Variants in DENND1B observed in about 807,000 individuals in gnomAD.
DENND1B encodes the protein DENN domain containing 1B.
Under a neutral mutation model 90.1 loss-of-function variants are expected in DENND1B, and 59 were observed. That is an observed-to-expected ratio of 0.65 (90% CI 0.53 to 0.81). The LOEUF (loss-of-function observed/expected upper bound fraction) is 0.81, where lower values mean the gene tolerates loss of function less well. Ranked by LOEUF, DENND1B falls within the 40% of genes least tolerant of loss-of-function variation. The pLI, the probability that DENND1B is intolerant of heterozygous loss-of-function variation, is 0.00. For synonymous variants in DENND1B, 337 were observed against 324.6 expected, an observed-to-expected ratio of 1.04 and a Z score of -0.41; for missense variants, 862 against 912.6, an observed-to-expected ratio of 0.94 and a Z score of 0.71.
At chr1:197,681,970 T>G (rs569887622) in intron 3 of DENND1B, among the ~76,000 whole-genome samples, 1 of 152,208 alleles carries the variant, frequency 6.6e-6, no homozygotes, top group African/African-American at 2.4e-5. Context: ...TGTTTTTGTT[T>G]TTGTTTTTGT....
chr1:197,571,034 T>C (rs996342774), intron 15 of DENND1B, among the ~76,000 whole-genome samples: 23 of 150,934 alleles, frequency 1.5e-4, no homozygotes, highest in African/African-American at 5.1e-4. Context: ...TATTTCTCTC[T>C]ACTCTAACCC....
chr1:197,548,792 C>T (rs1671004660), intron 16 of DENND1B, among the ~76,000 whole-genome samples: 2 of 151,920 alleles, frequency 1.3e-5, no homozygotes, highest in African/African-American at 4.8e-5. Context: ...AAGGCTAATA[C>T]CCTGAAAAAG....
chr1:197,619,707 T>A (rs746180724), intron 10 of DENND1B, among the ~76,000 whole-genome samples: 35 of 151,258 alleles, frequency 2.3e-4, no homozygotes, highest in Non-Finnish European at 4.3e-4. Flanking sequence ...GTAAATACTT[T>A]CCCTGCCTCC....
chr1:197,739,239 A>G (rs1031247404), intron 2 of DENND1B, among the ~76,000 whole-genome samples: 1 of 152,268 alleles, frequency 6.6e-6, no homozygotes, highest in African/African-American at 2.4e-5. Flanking sequence ...GGACAAAATC[A>G]GCACTGGACT....
intron 2 of DENND1B, chr1:197,734,172 A>T (rs989960659): frequency 2.2e-6 from 2 of 891,470 alleles, no homozygotes; most frequent in African/African-American, 3.6e-5. Context: ...ATTGAACAGA[A>T]GAGAAACAGT....
chr1:197,617,123 A>G (rs577951177), intron 11 of DENND1B, among the ~76,000 whole-genome samples: 3 of 151,210 alleles, frequency 2.0e-5, no homozygotes, highest in Admixed American at 6.6e-5. Context: ...TTCATGGTGG[A>G]TCAAGGCTGA....
In DENND1B at chr1:197,553,099, C is replaced by T. The variant is rs757551222; in HGVS notation, c.1163G>A (p.Arg388Gln). ...LQLFKQFIDG[R>Q]LAKLNAGRGF... ...CCTTCCTGCATTTAGTTTTGCCAGTCGACCATCGATAAACTAGAATTAAAA... is the reference window on the plus strand; with the variant it reads ...CCTTCCTGCATTTAGTTTTGCCAGTTGACCATCGATAAACTAGAATTAAAA... Residue 388 changes from arginine (R) to glutamine (Q), a missense_variant, in exon 16 of 23, where the codon CGA becomes CAA. Physicochemically the swap from Arg to Gln is conservative, Grantham distance 43. Transcript: ENST00000620048. 23 of 1,521,824 alleles carry T rather than the reference C, an allele frequency of 1.5e-5. No individual in the cohort carries two copies. The highest frequency in any genetic ancestry group is 1.7e-4 in the Middle Eastern group (1 of 5,828). The allele number at this position is 1,521,824 out of a possible 1,614,324, so 94.3% of individuals were successfully genotyped here. A position where few individuals can be genotyped will look rare whatever the true frequency, so the allele number is the denominator to read the frequency against.
chr1:197,726,822 T>G (rs769370855), intron 2 of DENND1B, among the ~76,000 whole-genome samples: 1 of 152,232 alleles, frequency 6.6e-6, no homozygotes, highest in African/African-American at 2.4e-5. Context: ...TATACCTTCA[T>G]GTTAGAGAAA....
At chr1:197,608,387 C>T (rs573165464) in intron 12 of DENND1B, among the ~76,000 whole-genome samples, 1 of 150,660 alleles carries the variant, frequency 6.6e-6, no homozygotes, top group African/African-American at 2.4e-5. Context: ...AAGATATTAG[C>T]AGCGAATCAC....
At chr1:197,649,772 T>C (rs1377599284) in intron 7 of DENND1B, among the ~76,000 whole-genome samples, 2 of 152,006 alleles carry the variant, frequency 1.3e-5, no homozygotes, top group Non-Finnish European at 2.9e-5. Flanking sequence ...ACTTCTAGAA[T>C]AAAACACTGG....
chr1:197,763,284 A>C (rs372132659), intron 2 of DENND1B, among the ~76,000 whole-genome samples: 1 of 152,050 alleles, frequency 6.6e-6, no homozygotes, highest in African/African-American at 2.4e-5. Flanking sequence ...TTTTATATAT[A>C]TTTTTTTATT....
intron 6 of DENND1B, among the ~76,000 whole-genome samples, chr1:197,657,778 G>A (rs935597926): frequency 1.3e-5 from 2 of 152,016 alleles, no homozygotes; most frequent in African/African-American, 4.8e-5. Flanking sequence ...TTGAACCCAA[G>A]GGCTGGAACA....
At chr1:197,684,198 A>G (rs1284556943) in intron 3 of DENND1B, among the ~76,000 whole-genome samples, 1 of 152,242 alleles carries the variant, frequency 6.6e-6, no homozygotes, top group East Asian at 1.9e-4. Flanking sequence ...CTAAGCACTT[A>G]GCATACATTA....
At position 197,517,700 on chromosome 1, in the gene DENND1B, T is replaced by A. The variant is rs547805227; in HGVS notation, c.1516-4747A>T. Among the ~76,000 whole-genome samples, 6 of 152,036 alleles carry A rather than the reference T, an allele frequency of 3.9e-5. No individual in the cohort carries two copies. In the South Asian group the frequency reaches 1.2e-3, roughly 31 times the overall value. On this transcript the variant is annotated intron_variant, in intron 20 of 22. Transcript: ENST00000620048. ...TTAAAGAAATCCTTCAATGGCCCCT[T>A]ACAGTCTTCAGGATAAAGCTCATAC...
At chr1:197,544,215 T>C (rs1442930709) in intron 18 of DENND1B, among the ~76,000 whole-genome samples, 1 of 152,182 alleles carries the variant, frequency 6.6e-6, no homozygotes, top group African/African-American at 2.4e-5. Flanking sequence ...TTTTTTTGTG[T>C]ACGGTTCAGA....
chr1:197,772,694 G>A (rs1248057282), intron 2 of DENND1B, among the ~76,000 whole-genome samples, 174 bp downstream of exon 2: 1 of 152,122 alleles, frequency 6.6e-6, no homozygotes, highest in African/African-American at 2.4e-5. Flanking sequence ...GCATGGTGGT[G>A]TGCATTGGTA....
chr1:197,538,564 A>G (rs1670085710), intron 20 of DENND1B, among the ~76,000 whole-genome samples: 1 of 152,104 alleles, frequency 6.6e-6, no homozygotes, highest in Non-Finnish European at 1.5e-5. Context: ...AGTCCCATGA[A>G]AGCAGAGAAT....
At chr1:197,516,418 C>CA (rs1183543635) in intron 20 of DENND1B, among the ~76,000 whole-genome samples, 2 of 151,070 alleles carry the variant, frequency 1.3e-5, no homozygotes, top group African/African-American at 4.9e-5. Context: ...GTTAAGGTCA[C>CA]AAAAAAAGAG....
At chr1:197,617,581 G>T in intron 11 of DENND1B, 78 bp downstream of exon 11, 1 of 1,023,636 alleles carries the variant, frequency 9.8e-7, no homozygotes, top group African/African-American at 1.6e-5. Flanking sequence ...ATGCCCCCAA[G>T]TTTACCTAGT....
Sources: allele counts gnomAD v4.1 joint callset (sites outside exome capture counted in the v4.1 genomes callset), GRCh38; gene constraint gnomAD v4.1.1; transcripts MANE v1.5; gene names NCBI Gene and HGNC (gene_info 2026-07-23, HGNC 2026-07-21).